Variants in SLC9A8 observed in about 807,000 individuals in gnomAD.
The protein encoded by SLC9A8 is sodium/hydrogen exchanger 8.
Under a neutral mutation model 66.6 loss-of-function variants are expected in SLC9A8, and 48 were observed. The ratio of observed to expected loss-of-function variants is 0.72; its 90% CI spans 0.57 to 0.92. The LOEUF (loss-of-function observed/expected upper bound fraction) is 0.92. Ranked by LOEUF, SLC9A8 falls within the 40% of genes least tolerant of loss-of-function variation. SLC9A8 has a pLI of 0.00. For missense variants in SLC9A8, 599 were observed against 747.3 expected, an observed-to-expected ratio of 0.80 and a Z score of 2.31; for synonymous variants, 274 against 282.6, an observed-to-expected ratio of 0.97 and a Z score of 0.31.
At chr20:49,867,980 G>A (rs1367052438) in intron 10 of SLC9A8, among the ~76,000 whole-genome samples, 2 of 152,144 alleles carry the variant, frequency 1.3e-5, no homozygotes, top group South Asian at 2.1e-4. Flanking sequence ...GTTTTTCATC[G>A]CAGACCAGTT....
intron 6 of SLC9A8, 29 bp downstream of exon 6, chr20:49,849,709 A>T (rs1467497167): frequency 6.5e-7 from 1 of 1,530,294 alleles, no homozygotes; most frequent in Non-Finnish European, 9.1e-7. Flanking sequence ...AAACACTTTG[A>T]AAGTCTTACA....
chr20:49,850,421 A>T (rs1784133048), intron 6 of SLC9A8, among the ~76,000 whole-genome samples: 1 of 152,218 alleles, frequency 6.6e-6, no homozygotes, highest in Non-Finnish European at 1.5e-5. Context: ...GATTTCTTTA[A>T]CACATCAGCT....
intron 2 of SLC9A8, among the ~76,000 whole-genome samples, chr20:49,820,321 C>T (rs78787837): frequency 0.085 from 12,989 of 151,940 alleles, 662 homozygotes; most frequent in Middle Eastern, 0.13. Context: ...AACCCTGTCT[C>T]TCCTAAAAAT....
intron 4 of SLC9A8, among the ~76,000 whole-genome samples, chr20:49,842,794 C>T (rs1004166285): frequency 7.2e-5 from 11 of 152,216 alleles, no homozygotes; most frequent in Non-Finnish European, 1.2e-4. Context: ...TTTGTTTTCT[C>T]ACAATTCTGG....
In SLC9A8 at chr20:49,886,976, G is replaced by A; in HGVS notation, c.1638+78G>A. The A allele has an allele frequency of 1.3e-6, 2 of 1,499,482 alleles. No homozygotes were observed. Among genetic ancestry groups the A allele is most frequent in the South Asian group, 1.3e-5 (1 of 76,664 alleles). The allele number at this position is 1,499,482 out of a possible 1,614,324, so 92.9% of individuals were successfully genotyped here. On this transcript the variant is annotated intron_variant, in intron 15 of 15. Transcript: ENST00000361573. The surrounding 1 kb of genome is among the most constrained non-coding windows in gnomAD (Gnocchi z 4.8). ...AGGACCTGCGGTGGCCCAGGGTGGG[G>A]TGGAGGAAGAGTGGGGAGGCAGGAA...
intron 2 of SLC9A8, among the ~76,000 whole-genome samples, chr20:49,818,223 C>T (rs954372053): frequency 6.6e-6 from 1 of 152,148 alleles, no homozygotes; most frequent in African/African-American, 2.4e-5. Context: ...GCCAGAAAGG[C>T]TGAACTTGCT....
chr20:49,830,827 C>T (rs1343377352), intron 3 of SLC9A8: 7 of 1,416,398 alleles, frequency 4.9e-6, no homozygotes, highest in Non-Finnish European at 7.0e-6. Flanking sequence ...GCCCAGCAGA[C>T]ACTCTTGGAC....
intron 10 of SLC9A8, among the ~76,000 whole-genome samples, chr20:49,873,502 G>T (rs1414354972): frequency 1.0e-5 from 1 of 98,136 alleles, no homozygotes; most frequent in Admixed American, 1.1e-4. Flanking sequence ...AAAAAAAAAA[G>T]AGGCCGGGCA....
intron 13 of SLC9A8, among the ~76,000 whole-genome samples, chr20:49,881,866 T>G (rs1036546029): frequency 6.6e-6 from 1 of 152,162 alleles, no homozygotes; most frequent in Admixed American, 6.5e-5. Context: ...TGTAAATGGT[T>G]GCAGAAGTGT....
At chr20:49,878,433 A>AAAAGAAAATATGT (rs1382514970) in intron 12 of SLC9A8, among the ~76,000 whole-genome samples, 1 of 152,248 alleles carries the variant, frequency 6.6e-6, no homozygotes, top group African/African-American at 2.4e-5. Context: ...ATGCACAGAA[A>AAAAGAAAATATGT]AAAGAAAATA....
intron 12 of SLC9A8, among the ~76,000 whole-genome samples, chr20:49,879,725 T>C (rs569584985): frequency 6.6e-6 from 1 of 151,430 alleles, no homozygotes; most frequent in Non-Finnish European, 1.5e-5. Context: ...CTAGGGAGGC[T>C]GAGGCAGGAC....
intron 8 of SLC9A8, among the ~76,000 whole-genome samples, chr20:49,861,716 A>T (rs1314364454): frequency 6.6e-6 from 1 of 152,192 alleles, no homozygotes; most frequent in Non-Finnish European, 1.5e-5. Flanking sequence ...TTTAATGAGA[A>T]TAACTCGATG....
At chr20:49,851,017 T>C (rs1333853006) in intron 7 of SLC9A8, among the ~76,000 whole-genome samples, 173 bp downstream of exon 7, 1 of 152,198 alleles carries the variant, frequency 6.6e-6, no homozygotes, top group African/African-American at 2.4e-5. Flanking sequence ...CTGAAATGAA[T>C]CAAAAGTATC....
At chr20:49,863,487 A>G (rs2088832825) in intron 9 of SLC9A8, among the ~76,000 whole-genome samples, 2 of 152,222 alleles carry the variant, frequency 1.3e-5, no homozygotes, top group Admixed American at 1.3e-4. Flanking sequence ...GGCTAAGGCC[A>G]GAGGATTGCT....
Position 49,886,583 on chromosome 20 carries a change from C to T in SLC9A8, c.1492-169C>T. ...CATTGTGCCCTGATGGACGTTCCTGCCTCCCTGCAGGCTCCCAGGAGGCCG... is the reference window on the plus strand; with the variant it reads ...CATTGTGCCCTGATGGACGTTCCTGTCTCCCTGCAGGCTCCCAGGAGGCCG... On this transcript the variant is annotated intron_variant, in intron 14 of 15. Coordinates refer to ENST00000361573, the MANE Select transcript of SLC9A8 (RefSeq NM_015266.3). The surrounding 1 kb of genome is among the most constrained non-coding windows in gnomAD (Gnocchi z 4.8). The T allele has an allele frequency of 2.8e-6, 2 of 710,090 alleles. No homozygotes were observed. Among genetic ancestry groups the T allele is most frequent in the Non-Finnish European group, 4.6e-6 (2 of 438,074 alleles). The allele number at this position is 710,090 out of a possible 1,614,324, so 44.0% of individuals were successfully genotyped here.
At chr20:49,830,828 A>C in intron 3 of SLC9A8, 1 of 1,418,640 alleles carries the variant, frequency 7.0e-7, no homozygotes, top group Non-Finnish European at 9.9e-7. Flanking sequence ...CCCAGCAGAC[A>C]CTCTTGGACA....
Position 49,881,025 on chromosome 20 carries a change from G to A in SLC9A8, c.1260G>A (p.Met420Ile), listed in dbSNP as rs779867655. Residue 420 changes from methionine to isoleucine, a missense_variant, in exon 13 of 16, where the codon ATG becomes ATA. Physicochemically the swap from Met to Ile is conservative, Grantham distance 10 (BLOSUM62 1). Around this residue, in one of 2 missense-constraint regions of SLC9A8, gnomAD observed 467 missense variants for 626.5 expected, o/e 0.75. Coordinates refer to ENST00000361573, the MANE Select transcript of SLC9A8 (RefSeq NM_015266.3). Reference sequence around the variant, plus strand: ...TCACACCGAAGATGATGTTCATCATGTGGTTTAGTGGTAAGTCAAATCTTG... The same window carrying A: ...TCACACCGAAGATGATGTTCATCATATGGTTTAGTGGTAAGTCAAATCTTG... ...HKITPKMMFI[M>I]WFSGLRGAIP... 3 of 1,608,112 alleles carry A rather than the reference G, an allele frequency of 1.9e-6. No homozygotes were observed. The highest frequency in any genetic ancestry group is 2.6e-6 in the Non-Finnish European group (3 of 1,174,594).
chr20:49,883,841 C>A lies in SLC9A8; in HGVS notation c.1271-5C>A. The A allele has an allele frequency of 6.2e-7, 1 of 1,602,472 alleles. No homozygotes were observed. The highest frequency in any genetic ancestry group is 8.5e-7 in the Non-Finnish European group (1 of 1,178,490). ...TGTCCTCTCACACTGTTTGCTGTCA[C>A]CCAGGCCTGCGGGGAGCCATCCCCT... On this transcript the variant is annotated splice_polypyrimidine_tract_variant and splice_region_variant and intron_variant, in intron 13 of 15. Coordinates refer to ENST00000361573, the MANE Select transcript of SLC9A8 (RefSeq NM_015266.3).
chr20:49,883,841 C>T lies in SLC9A8; in HGVS notation c.1271-5C>T. The T allele has an allele frequency of 6.2e-7, 1 of 1,602,472 alleles. No homozygotes were observed. Among genetic ancestry groups the T allele is most frequent in the Non-Finnish European group, 8.5e-7 (1 of 1,178,490 alleles). On this transcript the variant is annotated splice_polypyrimidine_tract_variant and splice_region_variant and intron_variant, in intron 13 of 15. Transcript: ENST00000361573. ...TGTCCTCTCACACTGTTTGCTGTCA[C>T]CCAGGCCTGCGGGGAGCCATCCCCT...
Sources: allele counts gnomAD v4.1 joint callset (sites outside exome capture counted in the v4.1 genomes callset), GRCh38; gene constraint gnomAD v4.1.1; regional missense constraint gnomAD v4.1.1; non-coding constraint Gnocchi (gnomAD v3.1); transcripts MANE v1.5; gene names NCBI Gene and HGNC (gene_info 2026-07-23, HGNC 2026-07-21).